GRIA4: variants seen among roughly 807,000 people sequenced by gnomAD.
GRIA4 encodes the protein glutamate receptor 4.
In GRIA4, 34 loss-of-function variants were observed where a neutral mutation model predicts 104.0. The ratio of observed to expected loss-of-function variants is 0.33; its 90% CI spans 0.25 to 0.44. GRIA4 has a LOEUF of 0.44. GRIA4 is among the 20% of genes least tolerant of loss of function. The pLI is 1.00. For missense variants in GRIA4, 750 were observed against 1,096.5 expected (o/e 0.68, Z 4.46); for synonymous variants, 386 against 381.9 (o/e 1.01, Z -0.13).
intron 13 of GRIA4, among the ~76,000 whole-genome samples, chr11:105,928,145 TA>T (rs1436795987): frequency 6.6e-6 from 1 of 152,024 alleles, no homozygotes; most frequent in Admixed American, 6.6e-5. Context: ...TTATCCTTTT[TA>T]AAGAAAATTT....
chr11:105,785,907 A>C (rs1199473177), intron 4 of GRIA4, among the ~76,000 whole-genome samples: 1 of 152,086 alleles, frequency 6.6e-6, no homozygotes, highest in African/African-American at 2.4e-5. Flanking sequence ...GAACTTTGGG[A>C]GGTCAAGGAG....
intron 10 of GRIA4, among the ~76,000 whole-genome samples, chr11:105,915,789 G>A (rs112192776): frequency 1.4e-3 from 214 of 152,114 alleles, no homozygotes; most frequent in African/African-American, 4.8e-3. Flanking sequence ...TGCAATAAGC[G>A]CTTCAAAATT....
At chr11:105,836,716 T>C (rs1944201405) in intron 4 of GRIA4, among the ~76,000 whole-genome samples, 1 of 152,156 alleles carries the variant, frequency 6.6e-6, no homozygotes, top group South Asian at 2.1e-4. Flanking sequence ...CCCAGAACTG[T>C]TCTTTTTAAC....
Position 105,685,314 on chromosome 11 carries a change from G to C in GRIA4, c.248-67667G>C, listed in dbSNP as rs937069223. On this transcript the variant is annotated intron_variant, in intron 3 of 16. Coordinates refer to ENST00000282499, the MANE Select transcript of GRIA4 (RefSeq NM_000829.4). Reference sequence around the variant, plus strand: ...AATGGATGACACTTCACCAAATTTAGATTACCAGCCCGAGCTCTAATTTTC... The same window carrying C: ...AATGGATGACACTTCACCAAATTTACATTACCAGCCCGAGCTCTAATTTTC... 2.0e-5 allele frequency among the ~76,000 whole-genome samples: 3 copies of C among 152,160 alleles called. No homozygotes were observed. The East Asian group carries it at 5.8e-4, about 29-fold the overall frequency.
At chr11:105,846,046 T>C (rs1354755544) in intron 4 of GRIA4, among the ~76,000 whole-genome samples, 3 of 152,220 alleles carry the variant, frequency 2.0e-5, no homozygotes, top group Non-Finnish European at 4.4e-5. Flanking sequence ...AGTGTTTTTA[T>C]TTGTCAAAGC....
chr11:105,715,405 A>C (rs536950605), intron 3 of GRIA4, among the ~76,000 whole-genome samples: 30 of 152,184 alleles, frequency 2.0e-4, no homozygotes, highest in Non-Finnish European at 3.8e-4. Flanking sequence ...CACTGAAAAT[A>C]AAATTATGTA....
intron 4 of GRIA4, among the ~76,000 whole-genome samples, chr11:105,832,464 C>T (rs1944010302): frequency 6.6e-6 from 1 of 151,724 alleles, no homozygotes; most frequent in African/African-American, 2.4e-5. Context: ...TTACAGTTTA[C>T]AGAGCATGTT....
In GRIA4 at chr11:105,980,762, A is replaced by G. The variant is rs1424392513; in HGVS notation, c.*1023A>G. ...TATCGTTATAAAAGTTATTTGAGAA[A>G]TTATAAGACTATAAGAGAGATTGTA... On this transcript the variant is annotated 3_prime_UTR_variant, in exon 17 of 17. Transcript: ENST00000282499. The G allele has an allele frequency of 2.6e-5, 4 of 152,666 alleles. No individual in the cohort carries two copies. Among genetic ancestry groups the G allele is most frequent in the African/African-American group, 9.6e-5 (4 of 41,468 alleles). The allele number at this position is 152,666 out of a possible 1,614,324, so 9.5% of individuals were successfully genotyped here.
In GRIA4 at chr11:105,979,817, C is replaced by A; in HGVS notation, c.*78C>A. 9.1e-7 allele frequency: 1 copy of A among 1,096,660 alleles called. No homozygotes were observed. Among genetic ancestry groups the A allele is most frequent in the South Asian group, 1.4e-5 (1 of 70,244 alleles). 67.9% of individuals were successfully genotyped at this position (1,096,660 alleles called of 1,614,324 possible). On this transcript the variant is annotated 3_prime_UTR_variant, in exon 17 of 17. Coordinates refer to ENST00000282499, the MANE Select transcript of GRIA4 (RefSeq NM_000829.4). Reference sequence around the variant, plus strand: ...ACGCAGCCCTGAGGGACACGCCACGCGCGGGTCTTTGCTAAACCAATCCTT... The same window carrying A: ...ACGCAGCCCTGAGGGACACGCCACGAGCGGGTCTTTGCTAAACCAATCCTT...
At chr11:105,705,719 T>C (rs531678563) in intron 3 of GRIA4, among the ~76,000 whole-genome samples, 1 of 152,150 alleles carries the variant, frequency 6.6e-6, no homozygotes, top group South Asian at 2.1e-4. Context: ...TTCCCACCTA[T>C]TACATGGGTA....
chr11:105,756,348 T>G (rs1416077497), intron 4 of GRIA4, among the ~76,000 whole-genome samples: 1 of 152,174 alleles, frequency 6.6e-6, no homozygotes, highest in African/African-American at 2.4e-5. Context: ...GTGTCTGGAC[T>G]GCAGATCACA....
intron 4 of GRIA4, among the ~76,000 whole-genome samples, chr11:105,837,837 A>T (rs2135949899): frequency 6.6e-6 from 1 of 152,298 alleles, no homozygotes; most frequent in African/African-American, 2.4e-5. Context: ...TTACCAAATA[A>T]GAGCTATTAT....
chr11:105,822,197 T>A (rs1209385077), intron 4 of GRIA4, among the ~76,000 whole-genome samples: 2 of 152,086 alleles, frequency 1.3e-5, no homozygotes, highest in African/African-American at 4.8e-5. Context: ...TGGCATGCAA[T>A]AATAATCAAG....
chr11:105,865,469 C>T (rs1205469551), intron 5 of GRIA4, among the ~76,000 whole-genome samples: 6 of 152,070 alleles, frequency 3.9e-5, no homozygotes, highest in African/African-American at 1.4e-4. Flanking sequence ...ACTTAAATTG[C>T]TATGAGTTTG....
intron 6 of GRIA4, among the ~76,000 whole-genome samples, chr11:105,889,269 C>T (rs867690094): frequency 5.3e-5 from 8 of 152,192 alleles, no homozygotes; most frequent in East Asian, 1.9e-4. Flanking sequence ...AGTTATCTAG[C>T]GTTCCAGTAT....
chr11:105,760,566 A>G (rs530714537), intron 4 of GRIA4, among the ~76,000 whole-genome samples: 2 of 152,306 alleles, frequency 1.3e-5, no homozygotes, highest in South Asian at 4.1e-4. Flanking sequence ...GATGCAGAAC[A>G]TGACATATTT....
chr11:105,709,560 T>C (rs892666450), intron 3 of GRIA4, among the ~76,000 whole-genome samples: 1 of 152,100 alleles, frequency 6.6e-6, no homozygotes, highest in African/African-American at 2.4e-5. Flanking sequence ...GTGGACACCA[T>C]CTTAACCACG....
chr11:105,851,962 G>T (rs1159902624), intron 4 of GRIA4, among the ~76,000 whole-genome samples: 1 of 152,154 alleles, frequency 6.6e-6, no homozygotes, highest in Non-Finnish European at 1.5e-5. Flanking sequence ...GGCAGCCTCT[G>T]GATCAGTGGC....
At chr11:105,657,129 A>C (rs1951868054) in intron 3 of GRIA4, among the ~76,000 whole-genome samples, 1 of 152,054 alleles carries the variant, frequency 6.6e-6, no homozygotes, top group Admixed American at 6.6e-5. Context: ...CCAAGGAAAT[A>C]ACATTATTGG....
Sources: gnomAD v4.1 joint callset for allele counts (sites outside exome capture counted in the v4.1 genomes callset) on GRCh38, gnomAD v4.1.1 for gene constraint, MANE v1.5 for transcripts, NCBI Gene and HGNC (gene_info 2026-07-23, HGNC 2026-07-21) for gene names.